Variants in OPRM1 observed in about 807,000 individuals in gnomAD.
OPRM1 encodes mu-type opioid receptor.
A neutral mutation model predicts 31.8 loss-of-function variants in OPRM1; 27 were observed. That is an observed-to-expected ratio of 0.85 (90% CI 0.63 to 1.17). OPRM1 has a LOEUF of 1.17. OPRM1 is among the 50% of genes most tolerant of loss of function. OPRM1 has a pLI of 0.00. For missense variants in OPRM1, 536 were observed against 511.1 expected (o/e 1.05, Z -0.47); for synonymous variants, 196 against 189.9 (o/e 1.03, Z -0.26).
chr6:154,104,243 G>T (rs923122396), intron 3 of OPRM1, among the ~76,000 whole-genome samples: 1 of 152,154 alleles, frequency 6.6e-6, no homozygotes, highest in African/African-American at 2.4e-5. Context: ...AACAACAGAT[G>T]ATATCTGGAA....
intron 1 of OPRM1, among the ~76,000 whole-genome samples, chr6:154,012,397 T>C (rs1270676901): frequency 6.6e-5 from 10 of 152,172 alleles, no homozygotes; most frequent in South Asian, 6.2e-4. Flanking sequence ...TTAAGATCTA[T>C]TGGGCACACT....
At chr6:154,025,487 T>G (rs1320449406) in intron 1 of OPRM1, among the ~76,000 whole-genome samples, 1 of 152,056 alleles carries the variant, frequency 6.6e-6, no homozygotes. Context: ...CAGCTACTCT[T>G]TATGTTTTGA....
At chr6:154,166,929 G>C (rs1208187102) in intron 3 of OPRM1, among the ~76,000 whole-genome samples, 1 of 152,070 alleles carries the variant, frequency 6.6e-6, no homozygotes, top group Non-Finnish European at 1.5e-5. Context: ...CTCTGCATTT[G>C]TATTATCTTT....
rs1281322539 is a variant in OPRM1, at chr6:154,124,338, G to A, written c.*5617G>A. On this transcript the variant is annotated 3_prime_UTR_variant, in exon 4 of 4. Coordinates refer to ENST00000330432, the MANE Select transcript of OPRM1 (RefSeq NM_000914.5). Reference sequence around the variant, plus strand: ...GTTTTCTATGGGTTTTTTCCATCATGCATTTTATACAAATTTAATATACTT... The same window carrying A: ...GTTTTCTATGGGTTTTTTCCATCATACATTTTATACAAATTTAATATACTT... Among the ~76,000 whole-genome samples, 8 of 152,126 alleles carry A rather than the reference G, an allele frequency of 5.3e-5. No individual in the cohort carries two copies. The highest frequency in any genetic ancestry group is 1.2e-4 in the Non-Finnish European group (8 of 68,016).
At chr6:154,220,719 G>T (rs1036218480) in intron 3 of OPRM1, among the ~76,000 whole-genome samples, 2 of 152,188 alleles carry the variant, frequency 1.3e-5, no homozygotes, top group African/African-American at 4.8e-5. Flanking sequence ...AGGGCAGGTT[G>T]TACTCTGCAC....
intron 1 of OPRM1, among the ~76,000 whole-genome samples, chr6:154,052,809 ATTT>A (rs1782470467): frequency 6.6e-6 from 1 of 152,226 alleles, no homozygotes; most frequent in Non-Finnish European, 1.5e-5. Context: ...AGGTGTGTAT[ATTT>A]ATGGGGTATG....
chr6:154,084,917 AACACACACACACACACACAC>A (rs71669485), intron 1 of OPRM1, among the ~76,000 whole-genome samples: 129 of 146,492 alleles, frequency 8.8e-4, no homozygotes, highest in African/African-American at 3.1e-3. Flanking sequence ...TGTGGAATTA[AACACACACACACACACACAC>A]ACACACACAC....
intron 3 of OPRM1, among the ~76,000 whole-genome samples, chr6:154,100,116 AT>A (rs1194486836): frequency 6.8e-5 from 3 of 44,024 alleles, no homozygotes; most frequent in Admixed American, 3.1e-4. Flanking sequence ...TATATTATAT[AT>A]TATCATATTA....
chr6:154,239,149 G>A lies in OPRM1; in HGVS notation c.1165-7544G>A, dbSNP rs1056063949. On this transcript the variant is annotated intron_variant, in intron 3 of 3. Transcript: ENST00000337049. The stretch of plus-strand genomic sequence containing the variant: ...AAGAAACCAACATTTCCTGGCTCTC[G>A]GTGTTCCACAGTTAATTTTGAAAAG... 5.9e-5 allele frequency among the ~76,000 whole-genome samples: 9 copies of A among 151,930 alleles called. No homozygotes were observed. In the East Asian group the frequency reaches 9.6e-4, roughly 16 times the overall value.
intron 1 of OPRM1, among the ~76,000 whole-genome samples, chr6:154,045,259 G>C (rs887871819): frequency 4.6e-5 from 7 of 151,946 alleles, no homozygotes; most frequent in African/African-American, 1.7e-4. Context: ...AAAAGTACTA[G>C]GGGTAAATAC....
At chr6:154,243,773 T>A (rs1010340943) in intron 3 of OPRM1, among the ~76,000 whole-genome samples, 1 of 152,180 alleles carries the variant, frequency 6.6e-6, no homozygotes, top group African/African-American at 2.4e-5. Flanking sequence ...TGAATGTGAA[T>A]CTGTTTTTTT....
chr6:154,028,355 C>T (rs1055197269), intron 1 of OPRM1, among the ~76,000 whole-genome samples: 1 of 152,144 alleles, frequency 6.6e-6, no homozygotes, highest in African/African-American at 2.4e-5. Flanking sequence ...CAAGATGCAA[C>T]ACGAAGTCCT....
At chr6:154,243,173 G>A (rs1170734654) in intron 3 of OPRM1, among the ~76,000 whole-genome samples, 3 of 152,222 alleles carry the variant, frequency 2.0e-5, no homozygotes, top group Non-Finnish European at 4.4e-5. Context: ...GCTGACAAGT[G>A]TGAGGAAATA....
chr6:154,012,456 G>A (rs1413108142), intron 1 of OPRM1, among the ~76,000 whole-genome samples: 1 of 152,002 alleles, frequency 6.6e-6, no homozygotes, highest in Non-Finnish European at 1.5e-5. Flanking sequence ...GCAAAACAGT[G>A]GCCTTTATGG....
At chr6:154,036,985 T>C (rs1444005755), upstream of OPRM1, among the ~76,000 whole-genome samples, 1 of 151,750 alleles carries the variant, frequency 6.6e-6, no homozygotes, top group Non-Finnish European at 1.5e-5. Flanking sequence ...GGAGAGTAAA[T>C]AAAGTATATT....
At chr6:154,101,441 T>A (rs561326595) in intron 3 of OPRM1, among the ~76,000 whole-genome samples, 1 of 152,344 alleles carries the variant, frequency 6.6e-6, no homozygotes, top group African/African-American at 2.4e-5. Context: ...TTTTAAATGC[T>A]TCAGCTAAGG....
intron 3 of OPRM1, among the ~76,000 whole-genome samples, chr6:154,095,965 T>C (rs111379529): frequency 6.6e-6 from 1 of 152,212 alleles, no homozygotes; most frequent in African/African-American, 2.4e-5. Context: ...ACCTGAACTG[T>C]TGGCCACTGC....
At chr6:154,081,477 G>T (rs1234339623) in intron 1 of OPRM1, among the ~76,000 whole-genome samples, 1 of 152,182 alleles carries the variant, frequency 6.6e-6, no homozygotes, top group Non-Finnish European at 1.5e-5. Flanking sequence ...CTGCACTCCA[G>T]CCTGGGCAAC....
chr6:154,178,720 T>A (rs544524503), intron 3 of OPRM1, among the ~76,000 whole-genome samples: 4 of 152,222 alleles, frequency 2.6e-5, no homozygotes, highest in African/African-American at 9.6e-5. Context: ...AATCCAAAAA[T>A]GAGATAATGG....
Sources: allele counts gnomAD v4.1 joint callset (sites outside exome capture counted in the v4.1 genomes callset), GRCh38; gene constraint gnomAD v4.1.1; transcripts MANE v1.5; gene names NCBI Gene and HGNC (gene_info 2026-07-23, HGNC 2026-07-21).